Variants in PSD3 observed in about 807,000 individuals in gnomAD.
The protein encoded by PSD3 is PH and SEC7 domain-containing protein 3.
PSD3 carries 49 observed loss-of-function variants against 105.5 expected under a neutral mutation model. The ratio of observed to expected loss-of-function variants is 0.46; its 90% CI spans 0.37 to 0.59. PSD3 has a LOEUF of 0.59. Ranked by LOEUF, PSD3 falls within the 20% of genes least tolerant of loss-of-function variation. The probability of loss-of-function intolerance (pLI) is 0.00; values close to 1 mark genes in which losing one functional copy is unlikely to be tolerated. For synonymous variants in PSD3, 557 were observed against 457.8 expected, an observed-to-expected ratio of 1.22 and a Z score of -2.77; for missense variants, 1,561 against 1,263.8, an observed-to-expected ratio of 1.24 and a Z score of -3.57.
intron 1 of PSD3, among the ~76,000 whole-genome samples, chr8:19,074,362 G>T (rs1829376286): frequency 6.6e-6 from 1 of 151,902 alleles, no homozygotes; most frequent in South Asian, 2.1e-4. Context: ...AAATCTCCCG[G>T]GTCCGGGGGG....
intron 9 of PSD3, among the ~76,000 whole-genome samples, chr8:18,696,323 G>A (rs1801259538): frequency 2.0e-5 from 3 of 152,156 alleles, no homozygotes; most frequent in African/African-American, 4.8e-5. Flanking sequence ...CATTTAATAC[G>A]TATGACAAAC....
In PSD3 at chr8:18,867,371, G is replaced by A. The variant is rs561872243; in HGVS notation, c.1634+303C>T. Reference sequence around the variant, plus strand: ...CTCAGTGTTCGTTTCACAGCACCACGTCTCTGCCATCATCGGAGCTGATAA... The same window carrying A: ...CTCAGTGTTCGTTTCACAGCACCACATCTCTGCCATCATCGGAGCTGATAA... On this transcript the variant is annotated intron_variant, in intron 4 of 15. Transcript: ENST00000327040. Among the ~76,000 whole-genome samples, 4 of 152,256 alleles carry A rather than the reference G, an allele frequency of 2.6e-5. No individual in the cohort carries two copies. The South Asian group carries it at 6.2e-4, about 24-fold the overall frequency.
intron 12 of PSD3, among the ~76,000 whole-genome samples, chr8:18,584,709 T>C (rs886939216): frequency 3.9e-5 from 6 of 152,206 alleles, no homozygotes; most frequent in African/African-American, 9.6e-5. Flanking sequence ...TTCTTTTAGA[T>C]ATGAAATATA....
At chr8:18,820,640 C>A (rs1316542626) in intron 4 of PSD3, among the ~76,000 whole-genome samples, 2 of 140,346 alleles carry the variant, frequency 1.4e-5, no homozygotes, top group African/African-American at 5.0e-5. Flanking sequence ...AGTAGAGATG[C>A]AACCATTTCT....
chr8:19,059,393 C>A (rs1828817574), intron 1 of PSD3, among the ~76,000 whole-genome samples: 1 of 152,156 alleles, frequency 6.6e-6, no homozygotes, highest in Non-Finnish European at 1.5e-5. Flanking sequence ...AAGGAGAGCT[C>A]ATGAGAAGCA....
intron 1 of PSD3, among the ~76,000 whole-genome samples, chr8:18,945,481 G>A (rs1397162970): frequency 6.6e-6 from 1 of 152,136 alleles, no homozygotes; most frequent in Non-Finnish European, 1.5e-5. Context: ...TTATCCTCTG[G>A]CACCTTGATT....
chr8:18,644,800 G>C lies in PSD3; in HGVS notation c.2216+10842C>G, dbSNP rs369483474. Among the ~76,000 whole-genome samples the C allele has an allele frequency of 3.0e-4, 45 of 152,254 alleles. No homozygotes were observed. The South Asian group carries it at 3.7e-3, about 13-fold the overall frequency. ...CCCTAATTCTCGGTACCAATCTTCT[G>C]TCGTAGTCTGTTTTGGGTTGCTGTG... On this transcript the variant is annotated intron_variant, in intron 10 of 15. Coordinates refer to ENST00000327040, the MANE Select transcript of PSD3 (RefSeq NM_015310.4).
intron 2 of PSD3, among the ~76,000 whole-genome samples, chr8:18,884,085 C>A (rs1010394125): frequency 6.6e-6 from 1 of 151,914 alleles, no homozygotes; most frequent in Non-Finnish European, 1.5e-5. Context: ...GTTCCAAAGA[C>A]GAGGGCAGGA....
At chr8:18,981,158 C>T (rs545913520) in intron 1 of PSD3, among the ~76,000 whole-genome samples, 1 of 152,242 alleles carries the variant, frequency 6.6e-6, no homozygotes, top group East Asian at 1.9e-4. Flanking sequence ...CATAAGGGTC[C>T]ACCAGGACAC....
intron 4 of PSD3, among the ~76,000 whole-genome samples, chr8:18,820,171 C>CTTTTTTTTTTTTTTTTTTTTTTTTTTTTT (rs11357749): frequency 7.8e-6 from 1 of 128,092 alleles, no homozygotes; most frequent in African/African-American, 2.8e-5. Context: ...CATTTTTTTC[C>CTTTTTTTTTTTTTTTTTTTTTTTTTTTTT]TTTTTTTTTT....
intron 9 of PSD3, among the ~76,000 whole-genome samples, chr8:18,660,906 A>T (rs1438232192): frequency 6.6e-6 from 1 of 152,220 alleles, no homozygotes; most frequent in Non-Finnish European, 1.5e-5. Flanking sequence ...AGCAAAGAAA[A>T]TTGCTTAAAT....
intron 1 of PSD3, among the ~76,000 whole-genome samples, chr8:19,044,375 T>C (rs566037827): frequency 6.6e-6 from 1 of 152,174 alleles, no homozygotes; most frequent in Non-Finnish European, 1.5e-5. Flanking sequence ...TGCAAGAGCC[T>C]GAGCTTTGGA....
intron 9 of PSD3, among the ~76,000 whole-genome samples, chr8:18,744,307 TC>T (rs1203426454): frequency 1.3e-5 from 2 of 152,252 alleles, no homozygotes; most frequent in Admixed American, 1.3e-4. Flanking sequence ...AGGAATAATT[TC>T]CCCAAGGTCA....
chr8:18,915,254 G>C (rs1170371435), intron 2 of PSD3, among the ~76,000 whole-genome samples: 1 of 152,044 alleles, frequency 6.6e-6, no homozygotes, highest in East Asian at 1.9e-4. Flanking sequence ...ATAAAACATA[G>C]GAAAAAAGGC....
intron 8 of PSD3, among the ~76,000 whole-genome samples, chr8:18,779,795 C>T (rs572374837): frequency 2.6e-5 from 4 of 152,026 alleles, no homozygotes; most frequent in Non-Finnish European, 4.4e-5. Flanking sequence ...TGAGAAGATA[C>T]GTGATATTAT....
At chr8:18,580,749 A>T (rs1325412161) in intron 12 of PSD3, among the ~76,000 whole-genome samples, 3 of 152,184 alleles carry the variant, frequency 2.0e-5, no homozygotes, top group Non-Finnish European at 4.4e-5. Flanking sequence ...AGACAGGGTA[A>T]AGGTAAATAA....
chr8:18,551,688 G>A (rs528227373), intron 15 of PSD3, among the ~76,000 whole-genome samples: 117 of 152,300 alleles, frequency 7.7e-4, no homozygotes, highest in African/African-American at 2.6e-3. Flanking sequence ...GTATTCAGCT[G>A]AATTCAAGCC....
chr8:18,595,229 A>ACAAAC (rs71217388), intron 12 of PSD3, among the ~76,000 whole-genome samples: 29,992 of 149,172 alleles, frequency 0.2, 3,721 homozygotes, highest in Non-Finnish European at 0.28. Context: ...AAACAAACAA[A>ACAAAC]AAAAACCCTA....
chr8:19,081,059 G>T (rs1041800621), intron 1 of PSD3, among the ~76,000 whole-genome samples: 35 of 152,112 alleles, frequency 2.3e-4, no homozygotes, highest in African/African-American at 7.7e-4. Flanking sequence ...AGTTCCCTGG[G>T]TTCCCACAGA....
Sources: allele counts gnomAD v4.1 joint callset (sites outside exome capture counted in the v4.1 genomes callset), GRCh38; gene constraint gnomAD v4.1.1; transcripts MANE v1.5; gene names NCBI Gene and HGNC (gene_info 2026-07-23, HGNC 2026-07-21).